PACSIN2: variants seen among roughly 807,000 people sequenced by gnomAD.
PACSIN2 encodes the protein protein kinase C and casein kinase substrate in neurons protein 2.
In PACSIN2, 25 loss-of-function variants were observed where a neutral mutation model predicts 63.8. The ratio of observed to expected loss-of-function variants is 0.39; its 90% CI spans 0.29 to 0.55. The LOEUF (loss-of-function observed/expected upper bound fraction) is 0.55. PACSIN2 is among the 20% of genes least tolerant of loss of function. The probability of loss-of-function intolerance (pLI) is 0.62; values close to 1 mark genes in which losing one functional copy is unlikely to be tolerated. For missense variants in PACSIN2, 518 were observed against 646.9 expected (o/e 0.80, Z 2.16); for synonymous variants, 255 against 256.2 (o/e 1.00, Z 0.05).
At chr22:42,990,220 T>C (rs944365882) in intron 1 of PACSIN2, among the ~76,000 whole-genome samples, 3 of 152,012 alleles carry the variant, frequency 2.0e-5, no homozygotes, top group African/African-American at 7.2e-5. Context: ...AGGGCAGCCC[T>C]GGGCACTTGC....
chr22:42,941,092 C>G (rs1933138043), intron 1 of PACSIN2, among the ~76,000 whole-genome samples: 1 of 152,222 alleles, frequency 6.6e-6, no homozygotes. Flanking sequence ...TACTTTCTGT[C>G]TCTATGGATT....
chr22:42,900,561 C>T (rs1302962782), intron 2 of PACSIN2, among the ~76,000 whole-genome samples: 2 of 152,184 alleles, frequency 1.3e-5, no homozygotes, highest in African/African-American at 4.8e-5. Context: ...AGAGGCGCAA[C>T]CTTCCCGTCC....
intron 2 of PACSIN2, among the ~76,000 whole-genome samples, chr22:42,898,166 C>T (rs1337817112): frequency 2.0e-5 from 3 of 152,048 alleles, no homozygotes; most frequent in Non-Finnish European, 2.9e-5. Flanking sequence ...GTGGAGGATG[C>T]GGGGACAAAG....
intron 1 of PACSIN2, among the ~76,000 whole-genome samples, chr22:42,970,211 A>G (rs955561947): frequency 2.0e-5 from 3 of 152,220 alleles, no homozygotes; most frequent in Admixed American, 2.0e-4. Context: ...GAGAACGACT[A>G]AAGTAAACCC....
intron 2 of PACSIN2, among the ~76,000 whole-genome samples, chr22:42,902,530 A>C (rs1253662719): frequency 6.6e-6 from 1 of 152,192 alleles, no homozygotes; most frequent in African/African-American, 2.4e-5. Flanking sequence ...TTCCCCCTGG[A>C]AAGGAAGGGA....
chr22:42,953,524 C>G (rs1250986209), intron 1 of PACSIN2, among the ~76,000 whole-genome samples: 1 of 152,124 alleles, frequency 6.6e-6, no homozygotes, highest in Non-Finnish European at 1.5e-5. Context: ...CATTAACAAA[C>G]CATTAAATGG....
chr22:42,888,310 T>C (rs1475431284), intron 5 of PACSIN2, among the ~76,000 whole-genome samples: 2 of 152,090 alleles, frequency 1.3e-5, no homozygotes, highest in Non-Finnish European at 2.9e-5. Context: ...GCCACACCCA[T>C]TCACACCCAC....
chr22:42,890,956 C>T lies in PACSIN2; in HGVS notation c.444G>A (p.Lys148=), dbSNP rs747754393. The T allele has an allele frequency of 5.6e-6, 9 of 1,614,026 alleles. No homozygotes were observed. In the Admixed American group the frequency reaches 6.7e-5, roughly 12 times the overall value. Residue 148 remains lysine, a synonymous_variant, in exon 4 of 11, where the codon AAG becomes AAA. Coordinates refer to ENST00000263246, the MANE Select transcript of PACSIN2 (RefSeq NM_001184970.3). ...FRKAQKPWAK[K]LKEVEAAKKA... is the part of the protein sequence containing the mutation. ...TGCAGGACAGATGTACCTCTTTCAG[C>T]TTCTTGGCCCAGGGCTTCTGTGCCT...
At chr22:42,889,201 G>A (rs558495182) in intron 4 of PACSIN2, among the ~76,000 whole-genome samples, 24 of 152,042 alleles carry the variant, frequency 1.6e-4, no homozygotes, top group Middle Eastern at 3.4e-3. Flanking sequence ...CGCACATGGA[G>A]CACGCACATG....
chr22:42,982,482 G>A (rs1185879949), intron 1 of PACSIN2, among the ~76,000 whole-genome samples: 1 of 85,188 alleles, frequency 1.2e-5, no homozygotes, highest in South Asian at 4.0e-4. Context: ...TGCCGGGTCT[G>A]TGTGGATAGA....
chr22:42,909,627 G>A (rs1931317776), intron 2 of PACSIN2: 2 of 470,140 alleles, frequency 4.3e-6, no homozygotes, highest in East Asian at 1.4e-4. Flanking sequence ...GCATTTTCAG[G>A]CAAAAGGAGA....
chr22:42,933,798 G>A (rs1932832475), intron 1 of PACSIN2, among the ~76,000 whole-genome samples: 1 of 152,228 alleles, frequency 6.6e-6, no homozygotes, highest in South Asian at 2.1e-4. Context: ...TGCAGCTGGA[G>A]AAACATTCTT....
chr22:42,876,447 T>C (rs1248684427), intron 9 of PACSIN2, 114 bp from the exon 10 acceptor site: 1 of 818,584 alleles, frequency 1.2e-6, no homozygotes, highest in Non-Finnish European at 2.0e-6. Context: ...GAGGGCTCCT[T>C]CCGAAGGAGC....
chr22:42,960,582 G>C (rs1439717047), intron 1 of PACSIN2, among the ~76,000 whole-genome samples: 1 of 152,194 alleles, frequency 6.6e-6, no homozygotes, highest in Admixed American at 6.5e-5. Context: ...TAAAGCTTTA[G>C]GTGAGGAGAG....
chr22:42,965,026 T>C (rs1438374410), intron 1 of PACSIN2, among the ~76,000 whole-genome samples: 1 of 152,198 alleles, frequency 6.6e-6, no homozygotes, highest in South Asian at 2.1e-4. Context: ...CCTAGGTTTG[T>C]CACACATCTC....
At chr22:42,959,109 GAGA>G (rs1388718982) in intron 1 of PACSIN2, among the ~76,000 whole-genome samples, 3 of 152,336 alleles carry the variant, frequency 2.0e-5, no homozygotes, top group East Asian at 3.9e-4. Flanking sequence ...GATGAGAAAT[GAGA>G]AGAACTGAGG....
rs1022619942 is a variant in PACSIN2, at chr22:42,870,411, A to G, written c.*946T>C. 2.6e-5 allele frequency: 4 copies of G among 152,194 alleles called. No homozygotes were observed. The highest frequency in any genetic ancestry group is 9.6e-5 in the African/African-American group (4 of 41,456). The allele number at this position is 152,194 out of a possible 1,614,324, so 9.4% of individuals were successfully genotyped here. ...AGTTTACAAACGAAACTCACTGTTA[A>G]AAGCTGTTAAATCTCATTAAAACAG... On this transcript the variant is annotated 3_prime_UTR_variant, in exon 11 of 11. Coordinates refer to ENST00000263246, the MANE Select transcript of PACSIN2 (RefSeq NM_001184970.3).
intron 1 of PACSIN2, among the ~76,000 whole-genome samples, chr22:42,995,264 C>T (rs757647489): frequency 3.3e-5 from 5 of 152,260 alleles, no homozygotes; most frequent in Non-Finnish European, 5.9e-5. Context: ...CTGCTTCTGA[C>T]ATGAAGTGTG....
intron 1 of PACSIN2, among the ~76,000 whole-genome samples, chr22:42,941,192 TTCAAGG>T: frequency 6.7e-6 from 1 of 148,770 alleles, no homozygotes; most frequent in South Asian, 2.2e-4. Flanking sequence ...GTCTTCAAGG[TTCAAGG>T]TTCGTCCACG....
Sources: allele counts gnomAD v4.1 joint callset (sites outside exome capture counted in the v4.1 genomes callset), GRCh38; gene constraint gnomAD v4.1.1; transcripts MANE v1.5; gene names NCBI Gene and HGNC (gene_info 2026-07-23, HGNC 2026-07-21).